The following PPP3CA variants were observed in gnomAD, a reference collection of about 807,000 sequenced individuals.
The protein encoded by PPP3CA is CAM-PRP catalytic subunit.
A neutral mutation model predicts 66.5 loss-of-function variants in PPP3CA; 14 were observed. The ratio of observed to expected loss-of-function variants is 0.21; its 90% CI spans 0.14 to 0.33. The LOEUF (loss-of-function observed/expected upper bound fraction) is 0.33. Among genes scored for constraint, PPP3CA ranks in the 10% least tolerant of loss-of-function variants. PPP3CA has a pLI of 1.00. For synonymous variants in PPP3CA, 232 were observed against 226.2 expected (o/e 1.03, Z -0.23); for missense variants, 317 against 639.5 (o/e 0.50, Z 5.44).
intron 2 of PPP3CA, among the ~76,000 whole-genome samples, chr4:101,170,907 A>G (rs1371877475): frequency 2.6e-5 from 4 of 152,166 alleles, no homozygotes; most frequent in Non-Finnish European, 5.9e-5. Context: ...CCCTGCCTTC[A>G]AGGAGCTCGC....
At chr4:101,207,380 T>C (rs1167407359) in intron 1 of PPP3CA, among the ~76,000 whole-genome samples, 3 of 152,228 alleles carry the variant, frequency 2.0e-5, no homozygotes, top group Non-Finnish European at 4.4e-5. Context: ...TAACACTTTC[T>C]CAGCAACTCA....
intron 2 of PPP3CA, among the ~76,000 whole-genome samples, chr4:101,155,858 C>G (rs768100150): frequency 2.0e-5 from 3 of 152,256 alleles, no homozygotes; most frequent in African/African-American, 4.8e-5. Flanking sequence ...GAACGAGTAT[C>G]AAATTCATCA....
At chr4:101,046,240 T>C (rs1484809176) in intron 10 of PPP3CA, among the ~76,000 whole-genome samples, 1 of 151,960 alleles carries the variant, frequency 6.6e-6, no homozygotes, top group African/African-American at 2.4e-5. Context: ...TTTTTACAAC[T>C]GTAAGAAATA....
At chr4:101,251,686 C>G (rs2850960) in intron 1 of PPP3CA, among the ~76,000 whole-genome samples, 50,939 of 151,802 alleles carry the variant, frequency 0.34, 9,466 homozygotes, top group East Asian at 0.67. Flanking sequence ...GTATACTAAC[C>G]AATTACAACT....
chr4:101,180,286 A>C (rs1724193428), intron 2 of PPP3CA, among the ~76,000 whole-genome samples: 1 of 152,138 alleles, frequency 6.6e-6, no homozygotes, highest in African/African-American at 2.4e-5. Context: ...GTATCATCCA[A>C]TTTGGCACCC....
At chr4:101,234,791 A>G (rs1726074843) in intron 1 of PPP3CA, among the ~76,000 whole-genome samples, 1 of 151,828 alleles carries the variant, frequency 6.6e-6, no homozygotes, top group South Asian at 2.1e-4. Flanking sequence ...GTACAAAAAT[A>G]AATATTAGCA....
chr4:101,175,406 G>T (rs1251795172), intron 2 of PPP3CA, among the ~76,000 whole-genome samples: 1 of 152,132 alleles, frequency 6.6e-6, no homozygotes, highest in East Asian at 1.9e-4. Context: ...TTATCAATGA[G>T]CAAATGGAGG....
rs149363710 is a variant in PPP3CA at position 101,159,391 on chromosome 4, T to C, written c.259+36525A>G. ...CCCACCTCCCCAGCCCCTCATTCCC[T>C]ACCCCAGGATAAGAACAGTGCCAGC... On this transcript the variant is annotated intron_variant, in intron 2 of 13. Transcript: ENST00000394854. Among the ~76,000 whole-genome samples the C allele has an allele frequency of 3.9e-3, 586 of 152,164 alleles. 5 individuals carry two copies. The highest frequency in any genetic ancestry group is 0.013 in the African/African-American group (559 of 41,532).
intron 1 of PPP3CA, among the ~76,000 whole-genome samples, chr4:101,229,465 G>A (rs1725889248): frequency 6.6e-6 from 1 of 151,642 alleles, no homozygotes; most frequent in African/African-American, 2.4e-5. Flanking sequence ...AAACATTCTA[G>A]CAAAAGTGTA....
chr4:101,257,862 T>A (rs988998909), intron 1 of PPP3CA, among the ~76,000 whole-genome samples: 1 of 152,132 alleles, frequency 6.6e-6, no homozygotes, highest in African/African-American at 2.4e-5. Context: ...CTAAAGGTAT[T>A]ATCTTTGTTT....
chr4:101,152,378 T>C (rs1281199903), intron 2 of PPP3CA, among the ~76,000 whole-genome samples: 2 of 152,230 alleles, frequency 1.3e-5, no homozygotes, highest in Non-Finnish European at 2.9e-5. Context: ...ATAATACATC[T>C]ATAATGCTTT....
chr4:101,106,453 G>GAAAAGAAA (rs775018059), intron 3 of PPP3CA, among the ~76,000 whole-genome samples: 1 of 35,512 alleles, frequency 2.8e-5, no homozygotes, highest in Non-Finnish European at 5.3e-5. Flanking sequence ...AAGAAAGAAA[G>GAAAAGAAA]AGAAAAGAAA....
intron 8 of PPP3CA, 39 bp from the exon 9 acceptor site, chr4:101,063,396 A>G (rs748260655): frequency 4.5e-5 from 72 of 1,584,986 alleles, no homozygotes; most frequent in Non-Finnish European, 5.9e-5. Context: ...AACACAGAAC[A>G]TATTTCTGCT....
chr4:101,063,255 G>C lies in PPP3CA; in HGVS notation c.1058C>G (p.Ser353Cys). Residue 353 changes from serine to cysteine, a missense_variant, in exon 9 of 14, where the codon TCC becomes TGC. Ser to Cys is a moderately radical substitution (Grantham distance 112). Transcript: ENST00000394854. ...LPNFMDVFTWSLPFVGEKVTE... is the reference protein window; with the variant it reads ...LPNFMDVFTWCLPFVGEKVTE... ...ACCTTTTTCCCCAACAAATGGAAGG[G>C]ACCAAGTAAAAACATCCATGAAATT... is the stretch of plus-strand genomic sequence containing the variant. 6.2e-7 allele frequency: 1 copy of C among 1,611,220 alleles called. No individual in the cohort carries two copies. The highest frequency in any genetic ancestry group is 8.5e-7 in the Non-Finnish European group (1 of 1,178,324).
At chr4:101,159,378 G>T (rs1433666631) in intron 2 of PPP3CA, among the ~76,000 whole-genome samples, 2 of 151,846 alleles carry the variant, frequency 1.3e-5, no homozygotes, top group African/African-American at 2.4e-5. Context: ...CACCTCCCCA[G>T]CCCCTCATTC....
intron 2 of PPP3CA, among the ~76,000 whole-genome samples, chr4:101,135,635 G>T (rs753715445): frequency 6.6e-6 from 1 of 152,136 alleles, no homozygotes; most frequent in African/African-American, 2.4e-5. Context: ...AAAAGCAAAT[G>T]AGTGAAAGTT....
At chr4:101,140,353 T>C (rs1441091601) in intron 2 of PPP3CA, among the ~76,000 whole-genome samples, 3 of 152,174 alleles carry the variant, frequency 2.0e-5, no homozygotes, top group Admixed American at 6.6e-5. Context: ...ATTTTCAAGA[T>C]ACTGGCCTTT....
intron 2 of PPP3CA, among the ~76,000 whole-genome samples, chr4:101,184,442 T>C (rs919287726): frequency 6.6e-6 from 1 of 152,138 alleles, no homozygotes; most frequent in African/African-American, 2.4e-5. Context: ...GCACATGAAA[T>C]ATAGTCAGAC....
intron 1 of PPP3CA, among the ~76,000 whole-genome samples, chr4:101,253,322 A>C (rs1375069482): frequency 6.6e-6 from 1 of 152,164 alleles, no homozygotes; most frequent in Non-Finnish European, 1.5e-5. Context: ...GGTGAATGTT[A>C]ACTTGGCACC....
Sources: allele counts gnomAD v4.1 joint callset (sites outside exome capture counted in the v4.1 genomes callset), GRCh38; gene constraint gnomAD v4.1.1; transcripts MANE v1.5; gene names NCBI Gene and HGNC (gene_info 2026-07-23, HGNC 2026-07-21).